The following RANBP2 variants were observed in gnomAD, a reference collection of about 807,000 sequenced individuals.
The protein encoded by RANBP2 is RAN binding protein 2, also known as E3 SUMO-protein ligase RanBP2.
In RANBP2, 57 loss-of-function variants were observed where a neutral mutation model predicts 303.6. The ratio of observed to expected loss-of-function variants is 0.19; its 90% confidence interval spans 0.15 to 0.23. The LOEUF is 0.23. RANBP2 is among the 10% of genes least tolerant of loss of function. RANBP2 has a pLI of 1.00. For synonymous variants in RANBP2, 1,167 were observed against 1,301.5 expected (o/e 0.90, Z 2.23); for missense variants, 3,138 against 3,780.8 (o/e 0.83, Z 4.46).
the RANBP2 span, among the ~76,000 whole-genome samples, chr2:109,535,375 T>A: frequency 5.6e-3 from 853 of 151,932 alleles, 14 homozygotes; most frequent in African/African-American, 0.02. Context: ...CCCTCCCAAC[T>A]CCCTCCCAGT....
At chr2:109,582,075 GACACAC>G in the RANBP2 span, among the ~76,000 whole-genome samples, 2,491 of 143,846 alleles carry the variant, frequency 0.017, 51 homozygotes, top group African/African-American at 0.044. Flanking sequence ...ATGTACAACA[GACACAC>G]ACACACACAC....
At chr2:109,070,362 A>G in the RANBP2 span, among the ~76,000 whole-genome samples, 3 of 152,244 alleles carry the variant, frequency 2.0e-5, no homozygotes, top group Non-Finnish European at 2.9e-5. Context: ...AGCTGCTTTG[A>G]GAGAATGGAT....
At chr2:109,245,491 C>G in the RANBP2 span, among the ~76,000 whole-genome samples, 1 of 152,136 alleles carries the variant, frequency 6.6e-6, no homozygotes, top group Non-Finnish European at 1.5e-5. Context: ...TGATTATTTT[C>G]CTTTCTAAGA....
At chr2:108,824,548 T>C in the RANBP2 span, among the ~76,000 whole-genome samples, 1 of 152,198 alleles carries the variant, frequency 6.6e-6, no homozygotes, top group Non-Finnish European at 1.5e-5. Flanking sequence ...CAATGCCTTT[T>C]CCTGGAAGAC....
the RANBP2 span, among the ~76,000 whole-genome samples, chr2:109,523,709 C>T: frequency 6.6e-6 from 1 of 152,196 alleles, no homozygotes; most frequent in African/African-American, 2.4e-5. Flanking sequence ...TCTGCCCACC[C>T]CCAGCCCCAG....
chr2:109,663,747 G>T, the RANBP2 span, among the ~76,000 whole-genome samples: 3 of 152,298 alleles, frequency 2.0e-5, no homozygotes, highest in African/African-American at 7.2e-5. Context: ...TGAGGCAAAA[G>T]GTGGGAAGGT....
At chr2:109,554,698 T>C in the RANBP2 span, among the ~76,000 whole-genome samples, 4 of 152,284 alleles carry the variant, frequency 2.6e-5, no homozygotes, top group East Asian at 5.8e-4. Context: ...CAAAATGACA[T>C]TGAACAAAAC....
the RANBP2 span, among the ~76,000 whole-genome samples, chr2:109,028,077 C>G: frequency 6.6e-6 from 1 of 152,146 alleles, no homozygotes; most frequent in Non-Finnish European, 1.5e-5. Flanking sequence ...TGAGACCAAC[C>G]TGGGCAACAT....
chr2:108,983,556 C>T, the RANBP2 span, among the ~76,000 whole-genome samples: 19 of 152,298 alleles, frequency 1.2e-4, no homozygotes, highest in Admixed American at 9.2e-4. Context: ...AGTCAACAAT[C>T]CCGCCCTTCC....
chr2:109,539,067 A>C, the RANBP2 span, among the ~76,000 whole-genome samples: 1 of 152,110 alleles, frequency 6.6e-6, no homozygotes, highest in Non-Finnish European at 1.5e-5. Context: ...TGGGAGGCCA[A>C]GGCAGGCGGC....
chr2:109,460,252 T>C, the RANBP2 span, among the ~76,000 whole-genome samples: 1 of 152,120 alleles, frequency 6.6e-6, no homozygotes, highest in Admixed American at 6.5e-5. Context: ...GACAAATCCA[T>C]ATCTAGAGTG....
downstream of RANBP2, chr2:108,786,828 G>A (rs763585553): frequency 1.9e-6 from 3 of 1,589,944 alleles, no homozygotes; most frequent in Middle Eastern, 3.4e-4. Flanking sequence ...GTGCTATGGA[G>A]CCGAGGGTCG....
At chr2:109,461,358 AG>A in the RANBP2 span, among the ~76,000 whole-genome samples, 2 of 152,236 alleles carry the variant, frequency 1.3e-5, no homozygotes, top group Admixed American at 1.3e-4. Context: ...AAGACAGCAG[AG>A]GCTTGCTCCA....
At chr2:109,590,041 CATATATATGTGTGTGTAT>C in the RANBP2 span, among the ~76,000 whole-genome samples, 4 of 148,734 alleles carry the variant, frequency 2.7e-5, no homozygotes, top group Non-Finnish European at 5.9e-5. Flanking sequence ...TATATACACA[CATATATATGTGTGTGTAT>C]ATATATACAC....
the RANBP2 span, among the ~76,000 whole-genome samples, chr2:108,887,563 AT>A: frequency 2.0e-5 from 3 of 152,048 alleles, no homozygotes; most frequent in African/African-American, 7.2e-5. Context: ...TCAGTGTTTT[AT>A]AGTTTTCCTT....
chr2:109,190,348 A>G, the RANBP2 span, among the ~76,000 whole-genome samples: 1 of 152,100 alleles, frequency 6.6e-6, no homozygotes. Context: ...TAATTTTTGT[A>G]CTTGTAGTAG....
chr2:109,252,384 T>A, the RANBP2 span, among the ~76,000 whole-genome samples: 2 of 152,236 alleles, frequency 1.3e-5, no homozygotes, highest in South Asian at 4.1e-4. Flanking sequence ...CTCAAAATTT[T>A]CTGAACTTAA....
chr2:109,027,410 G>A, the RANBP2 span, among the ~76,000 whole-genome samples: 1 of 152,074 alleles, frequency 6.6e-6, no homozygotes, highest in Non-Finnish European at 1.5e-5. Flanking sequence ...AGCTTTTGAA[G>A]CCATAAGGAA....
chr2:108,860,049 G>T, the RANBP2 span, among the ~76,000 whole-genome samples: 219 of 151,732 alleles, frequency 1.4e-3, 3 homozygotes, highest in African/African-American at 5.0e-3. Context: ...TAAGTATCTT[G>T]TGTGTGTGTG....
Sources: gnomAD v4.1 joint callset for allele counts (sites outside exome capture counted in the v4.1 genomes callset) on GRCh38, gnomAD v4.1.1 for gene constraint, MANE v1.5 for transcripts, NCBI Gene and HGNC (gene_info 2026-07-23, HGNC 2026-07-21) for gene names.